DLG2: variants seen among roughly 807,000 people sequenced by gnomAD.
DLG2 encodes discs large MAGUK scaffold protein 2, also known as disks large homolog 2.
In DLG2, 45 loss-of-function variants were observed where a neutral mutation model predicts 132.5. That is an observed-to-expected ratio of 0.34 (90% confidence interval 0.27 to 0.44). The LOEUF is 0.44. DLG2 is among the 20% of genes least tolerant of loss of function. The pLI is 1.00. For missense variants in DLG2, 1,045 were observed against 1,196.9 expected, an observed-to-expected ratio of 0.87 and a Z score of 1.87; for synonymous variants, 424 against 419.6, an observed-to-expected ratio of 1.01 and a Z score of -0.13.
rs564030625 is a variant in DLG2, at chr11:83,590,348, G to A, written c.1940+42863C>T. On this transcript the variant is annotated intron_variant, in intron 19 of 27. Coordinates refer to ENST00000376104, the MANE Select transcript of DLG2 (RefSeq NM_001142699.3). ...AGGATGAAGAATCTCACTCAAAACC[G>A]CTCAACTACATGGAAACTGAACAAC... 1.5e-4 allele frequency among the ~76,000 whole-genome samples: 23 copies of A among 152,190 alleles called. No homozygotes were observed. In the East Asian group the frequency reaches 1.9e-3, roughly 13 times the overall value.
chr11:84,914,464 C>T (rs951777822), intron 6 of DLG2, among the ~76,000 whole-genome samples: 17 of 152,200 alleles, frequency 1.1e-4, no homozygotes, highest in South Asian at 8.3e-4. Context: ...TTTCTTTCAA[C>T]GGATGCTCAA....
intron 6 of DLG2, among the ~76,000 whole-genome samples, chr11:84,929,025 T>TATATATATATATATATA (rs2047786455): frequency 5.5e-5 from 7 of 128,420 alleles, no homozygotes; most frequent in Non-Finnish European, 8.2e-5. Context: ...TATATATATA[T>TATATATATATATATATA]TACTGTGAAT....
intron 3 of DLG2, among the ~76,000 whole-genome samples, chr11:85,435,070 C>A (rs1255156019): frequency 6.6e-6 from 1 of 152,064 alleles, no homozygotes; most frequent in Non-Finnish European, 1.5e-5. Flanking sequence ...ATGACAAAAG[C>A]CACATGATTA....
At chr11:85,226,188 T>A (rs2152627417) in intron 4 of DLG2, among the ~76,000 whole-genome samples, 1 of 150,886 alleles carries the variant, frequency 6.6e-6, no homozygotes, top group South Asian at 2.1e-4. Context: ...CATATTCTAA[T>A]ATAATAATAT....
intron 6 of DLG2, among the ~76,000 whole-genome samples, chr11:85,031,060 G>A (rs904014378): frequency 6.6e-6 from 1 of 151,826 alleles, no homozygotes; most frequent in African/African-American, 2.4e-5. Context: ...TGATTTCAGA[G>A]TAATCTATGA....
intron 16 of DLG2, among the ~76,000 whole-genome samples, chr11:83,870,770 C>T (rs762115177): frequency 7.2e-5 from 11 of 152,214 alleles, no homozygotes; most frequent in African/African-American, 4.8e-5. Context: ...TCAATCCCAT[C>T]TGTTGTCACT....
intron 18 of DLG2, among the ~76,000 whole-genome samples, chr11:83,676,848 ACTC>A (rs563622129): frequency 7.2e-5 from 11 of 152,148 alleles, no homozygotes; most frequent in African/African-American, 2.2e-4. Flanking sequence ...TGGATTATAA[ACTC>A]CTCGAGTTCA....
intron 5 of DLG2, among the ~76,000 whole-genome samples, chr11:85,139,627 T>C (rs1294289645): frequency 6.6e-6 from 1 of 152,032 alleles, no homozygotes; most frequent in Non-Finnish European, 1.5e-5. Context: ...CCATTTTTTG[T>C]TTTTGTGTCA....
chr11:84,410,206 G>A (rs1601633674), intron 7 of DLG2, among the ~76,000 whole-genome samples: 1 of 152,102 alleles, frequency 6.6e-6, no homozygotes, highest in Admixed American at 6.5e-5. Context: ...GCTCAGAGAG[G>A]TTAAATGACT....
At chr11:84,034,431 G>A (rs905226291) in intron 11 of DLG2, among the ~76,000 whole-genome samples, 1 of 152,054 alleles carries the variant, frequency 6.6e-6, no homozygotes, top group Admixed American at 6.6e-5. Flanking sequence ...TTATTGCAGT[G>A]GTCTAGAATG....
At chr11:85,393,130 A>T (rs2086951985) in intron 3 of DLG2, among the ~76,000 whole-genome samples, 1 of 152,146 alleles carries the variant, frequency 6.6e-6, no homozygotes, top group Non-Finnish European at 1.5e-5. Context: ...CAGCAAGAAC[A>T]AAACAAACAA....
chr11:84,456,385 A>T (rs60608908), intron 7 of DLG2, among the ~76,000 whole-genome samples: 259 of 151,400 alleles, frequency 1.7e-3, no homozygotes, highest in African/African-American at 6.1e-3. Context: ...AATTCCCATA[A>T]TGATGATAAA....
intron 3 of DLG2, among the ~76,000 whole-genome samples, chr11:85,399,777 A>C (rs1291938156): frequency 6.6e-6 from 1 of 152,198 alleles, no homozygotes; most frequent in Non-Finnish European, 1.5e-5. Context: ...TACAAAAATT[A>C]ATTCAAGATG....
rs7113202 is a variant in DLG2, at chr11:83,762,127, A to G, written c.1825+24563T>C. Among the ~76,000 whole-genome samples the G allele has an allele frequency of 1.7e-3, 255 of 152,376 alleles. 1 individual carries two copies. Among genetic ancestry groups the G allele is most frequent in the African/African-American group, 5.9e-3 (247 of 41,586 alleles). On this transcript the variant is annotated intron_variant, in intron 18 of 27. Coordinates refer to ENST00000376104, the MANE Select transcript of DLG2 (RefSeq NM_001142699.3). ...AAGCCAAATATGATTTGGTTTCAAA[A>G]GAGAAATTAATATTTTGAAGAAGGC... is the stretch of plus-strand genomic sequence containing the variant.
intron 6 of DLG2, among the ~76,000 whole-genome samples, chr11:84,985,295 G>A (rs139040736): frequency 5.2e-4 from 79 of 152,194 alleles, no homozygotes; most frequent in African/African-American, 1.6e-3. Flanking sequence ...ACCACAGTGC[G>A]TTAAAACTGG....
At chr11:84,789,110 C>T (rs562441869) in intron 6 of DLG2, among the ~76,000 whole-genome samples, 1 of 152,292 alleles carries the variant, frequency 6.6e-6, no homozygotes, top group South Asian at 2.1e-4. Flanking sequence ...TTTCTATGCC[C>T]TTGTTTCTGA....
At chr11:85,444,260 T>C (rs946424826) in intron 3 of DLG2, among the ~76,000 whole-genome samples, 3 of 152,066 alleles carry the variant, frequency 2.0e-5, no homozygotes, top group Non-Finnish European at 2.9e-5. Flanking sequence ...TGGAAAAACG[T>C]ATACTGAAAT....
chr11:84,508,662 A>G (rs2099249188), intron 7 of DLG2, among the ~76,000 whole-genome samples: 1 of 152,038 alleles, frequency 6.6e-6, no homozygotes, highest in African/African-American at 2.4e-5. Context: ...GGCCTCCCAA[A>G]GTGCTGGGAT....
At chr11:85,295,852 A>C (rs1005870050) in intron 3 of DLG2, among the ~76,000 whole-genome samples, 2 of 152,172 alleles carry the variant, frequency 1.3e-5, no homozygotes, top group African/African-American at 2.4e-5. Flanking sequence ...GGTTTCCATC[A>C]GCAAAATCTC....
Sources: allele counts gnomAD v4.1 joint callset (sites outside exome capture counted in the v4.1 genomes callset), GRCh38; gene constraint gnomAD v4.1.1; transcripts MANE v1.5; gene names NCBI Gene and HGNC (gene_info 2026-07-23, HGNC 2026-07-21).